The following MXD1 variants were observed in gnomAD, a reference collection of about 807,000 sequenced individuals.
MXD1 encodes MAX-binding protein.
MXD1 carries 9 observed loss-of-function variants against 25.7 expected under a neutral mutation model. That is an observed-to-expected ratio of 0.35 (90% CI 0.21 to 0.61). The LOEUF is 0.61. Among genes scored for constraint, MXD1 ranks in the 20% least tolerant of loss-of-function variants. The pLI, the probability that MXD1 is intolerant of heterozygous loss-of-function variation, is 0.75. For missense variants in MXD1, 227 were observed against 292.4 expected, an observed-to-expected ratio of 0.78 and a Z score of 1.63; for synonymous variants, 99 against 113.9, an observed-to-expected ratio of 0.87 and a Z score of 0.83.
At chr2:69,935,602 A>C in intron 4 of MXD1, 137 bp downstream of exon 4, 1 of 649,898 alleles carries the variant, frequency 1.5e-6, no homozygotes, top group South Asian at 1.8e-5. Flanking sequence ...CCTCAAATGC[A>C]ACATATTCAA....
chr2:69,919,359 T>C (rs1004073560), intron 2 of MXD1, among the ~76,000 whole-genome samples: 6 of 152,196 alleles, frequency 3.9e-5, no homozygotes, highest in Non-Finnish European at 8.8e-5. Flanking sequence ...TTTATTTATT[T>C]ATTTTTAGAC....
intron 2 of MXD1, among the ~76,000 whole-genome samples, chr2:69,919,356 A>G (rs1469135646): frequency 6.6e-6 from 1 of 151,950 alleles, no homozygotes; most frequent in Non-Finnish European, 1.5e-5. Flanking sequence ...TTATTTATTT[A>G]TTTATTTTTA....
intron 2 of MXD1, among the ~76,000 whole-genome samples, chr2:69,917,787 A>T (rs1312758923): frequency 6.6e-6 from 1 of 151,050 alleles, no homozygotes; most frequent in Non-Finnish European, 1.5e-5. Flanking sequence ...CAAGAAATGG[A>T]TTCTTTCTAG....
chr2:69,918,974 A>G (rs1383086239), intron 2 of MXD1, among the ~76,000 whole-genome samples: 1 of 152,198 alleles, frequency 6.6e-6, no homozygotes, highest in African/African-American at 2.4e-5. Context: ...CACTTCAGTA[A>G]TGCTCTAGCC....
At chr2:69,935,310 CTG>C in intron 3 of MXD1, 39 bp from the exon 4 acceptor site, 1 of 1,465,180 alleles carries the variant, frequency 6.8e-7, no homozygotes, top group South Asian at 1.1e-5. Flanking sequence ...TTCTGGCCCA[CTG>C]TGAAACTCTC....
At chr2:69,937,823 A>G (rs1677491373) in intron 5 of MXD1, among the ~76,000 whole-genome samples, 1 of 152,186 alleles carries the variant, frequency 6.6e-6, no homozygotes, top group Admixed American at 6.5e-5. Context: ...CATATTGGCC[A>G]GGCTGGTCTC....
intron 3 of MXD1, among the ~76,000 whole-genome samples, chr2:69,934,653 A>G (rs1202373980): frequency 6.6e-6 from 1 of 152,162 alleles, no homozygotes; most frequent in African/African-American, 2.4e-5. Flanking sequence ...ATGAATATAG[A>G]TTCTTGTTTT....
Position 69,915,438 on chromosome 2 carries a change from A to G in MXD1, c.73+35A>G. ...GACGGGGAGGGGTCCACTCGAAACG[A>G]GGCCGGGGGTCCTGTGGGGCCGGCC... On this transcript the variant is annotated intron_variant, in intron 1 of 5. Transcript: ENST00000264444. This position sits in a 1 kb window ranked among gnomAD's most constrained non-coding sequence, Gnocchi z 5.8. The G allele has an allele frequency of 7.9e-7, 1 of 1,258,564 alleles. No individual in the cohort carries two copies. Among genetic ancestry groups the G allele is most frequent in the Non-Finnish European group, 1.0e-6 (1 of 991,822 alleles). The allele number at this position is 1,258,564 out of a possible 1,614,324, so 78.0% of individuals were successfully genotyped here.
chr2:69,938,057 G>A, intron 5 of MXD1, 40 bp from the exon 6 acceptor site: 3 of 1,593,840 alleles, frequency 1.9e-6, no homozygotes, highest in Non-Finnish European at 2.6e-6. Context: ...TTTCTGCAGA[G>A]CGCTTTCATC....
chr2:69,918,704 G>A (rs750074605), intron 2 of MXD1, among the ~76,000 whole-genome samples: 2 of 152,114 alleles, frequency 1.3e-5, no homozygotes, highest in African/African-American at 4.8e-5. Context: ...CAGATACGCC[G>A]TAATTTGGCT....
Position 69,938,236 on chromosome 2 carries a change from C to T in MXD1, c.618C>T (p.Ile206=). The change falls in exon 6 of 6, where the codon ATC becomes ATT. Residue 206 remains isoleucine, a synonymous_variant. Coordinates refer to ENST00000264444, the MANE Select transcript of MXD1 (RefSeq NM_002357.4). ...GSDEGYSSTS[I]KRIKLQDSHK... ...ATGAGGGCTATTCCAGCACCAGCAT[C>T]AAGAGAATAAAGCTGCAGGACAGTC... is the stretch of plus-strand genomic sequence containing the variant. 2 of 1,614,160 alleles carry T rather than the reference C, an allele frequency of 1.2e-6. No individual in the cohort carries two copies. The highest frequency in any genetic ancestry group is 1.3e-5 in the African/African-American group (1 of 75,042).
chr2:69,937,714 A>T (rs1677488248), intron 5 of MXD1, among the ~76,000 whole-genome samples: 1 of 152,180 alleles, frequency 6.6e-6, no homozygotes, highest in Non-Finnish European at 1.5e-5. Context: ...TCCCGGGTTC[A>T]AGCGATTCCC....
chr2:69,938,105 G>A lies in MXD1; in HGVS notation c.487G>A (p.Asp163Asn), dbSNP rs535119144. ...ERSDSDREEIDVDVESTDYLT... is the reference protein window; with the variant it reads ...ERSDSDREEINVDVESTDYLT... The stretch of plus-strand genomic sequence containing the variant: ...TCTTGTCCTCCCTGCAGAAGAAATC[G>A]ACGTTGACGTGGAGAGCACGGACTA... Residue 163 changes from aspartate to asparagine, a missense_variant, in exon 6 of 6, where the codon GAC becomes AAC. Asp to Asn is a conservative substitution (Grantham distance 23). Coordinates refer to ENST00000264444, the MANE Select transcript of MXD1 (RefSeq NM_002357.4). 3.1e-6 allele frequency: 5 copies of A among 1,613,890 alleles called. No individual in the cohort carries two copies. Among genetic ancestry groups the A allele is most frequent in the East Asian group, 2.2e-5 (1 of 44,878 alleles).
chr2:69,938,200 C>G lies in MXD1; in HGVS notation c.582C>G (p.Ser194Arg), dbSNP rs1677504352. 1 of 1,614,178 alleles carries G rather than the reference C, an allele frequency of 6.2e-7. No individual in the cohort carries two copies. The highest frequency in any genetic ancestry group is 8.5e-7 in the Non-Finnish European group (1 of 1,180,016). ...CTGACGAGCGGGGCAGCATGCAGAG[C>G]CTCGGCAGTGATGAGGGCTATTCCA... ...SDSDERGSMQ[S>R]LGSDEGYSST... The change falls in exon 6 of 6, where the codon AGC becomes AGG. Residue 194 changes from serine to arginine, a missense_variant. Physicochemically the swap from Ser to Arg is moderately radical, Grantham distance 110. Transcript: ENST00000264444.
chr2:69,936,601 ATTAAACAATCTTC>A (rs1677450159), intron 4 of MXD1, among the ~76,000 whole-genome samples: 1 of 152,236 alleles, frequency 6.6e-6, no homozygotes, highest in African/African-American at 2.4e-5. Flanking sequence ...AACAGCTACA[ATTAAACAATCTTC>A]TTAATTATCT....
chr2:69,919,541 C>T (rs1677021342), intron 2 of MXD1, among the ~76,000 whole-genome samples: 1 of 151,744 alleles, frequency 6.6e-6, no homozygotes, highest in African/African-American at 2.4e-5. Flanking sequence ...GACGGGGTTT[C>T]GCCAGGTTAG....
intron 5 of MXD1, 73 bp downstream of exon 5, chr2:69,937,467 A>G: frequency 7.1e-7 from 1 of 1,407,162 alleles, no homozygotes; most frequent in Non-Finnish European, 9.5e-7. Context: ...AGTACTGCGG[A>G]CAGGAGGCAG....
rs761703259 is a variant in MXD1 at position 69,919,567 on chromosome 2, A to C, written c.174-2169A>C. 4.6e-5 allele frequency among the ~76,000 whole-genome samples: 7 copies of C among 151,844 alleles called. No homozygotes were observed. In the South Asian group the frequency reaches 8.3e-4, roughly 18 times the overall value. On this transcript the variant is annotated intron_variant, in intron 2 of 5. Coordinates refer to ENST00000264444, the MANE Select transcript of MXD1 (RefSeq NM_002357.4). ...GCCAGGTTAGCCAGGCTGGTCTCGA[A>C]CTCCTGACCTCAAGTGATCCACCCA...
intron 2 of MXD1, among the ~76,000 whole-genome samples, chr2:69,917,166 T>C (rs34480104): frequency 0.063 from 9,640 of 152,308 alleles, 337 homozygotes; most frequent in East Asian, 0.13. Context: ...TGTGGCTTAA[T>C]ACAGACCAGG....
Sources: gnomAD v4.1 joint callset for allele counts (sites outside exome capture counted in the v4.1 genomes callset) on GRCh38, gnomAD v4.1.1 for gene constraint, Gnocchi (gnomAD v3.1) non-coding constraint, MANE v1.5 for transcripts, NCBI Gene and HGNC (gene_info 2026-07-23, HGNC 2026-07-21) for gene names.